The following WDR1 variants were observed in gnomAD, a reference collection of about 807,000 sequenced individuals.
WDR1 encodes WD repeat-containing protein 1.
Under a neutral mutation model 71.9 loss-of-function variants are expected in WDR1, and 21 were observed. The observed-to-expected ratio is 0.29, with a 90% confidence interval of 0.21 to 0.42. WDR1 has a LOEUF of 0.42. Among genes scored for constraint, WDR1 ranks in the 10% least tolerant of loss-of-function variants. The probability of loss-of-function intolerance (pLI) is 1.00; values close to 1 mark genes in which losing one functional copy is unlikely to be tolerated. For synonymous variants in WDR1, 424 were observed against 347.4 expected, an observed-to-expected ratio of 1.22 and a Z score of -2.45; for missense variants, 696 against 824.5, an observed-to-expected ratio of 0.84 and a Z score of 1.91.
intron 9 of WDR1, among the ~76,000 whole-genome samples, chr4:10,083,439 G>C (rs35158081): frequency 1.3e-5 from 2 of 152,194 alleles, no homozygotes; most frequent in Non-Finnish European, 2.9e-5. Flanking sequence ...CCAGCAAGCT[G>C]GGGAGGCTCC....
chr4:10,094,933 A>T (rs1297614707), intron 5 of WDR1: 1 of 152,284 alleles, frequency 6.6e-6, no homozygotes, highest in Non-Finnish European at 1.5e-5. Flanking sequence ...TCAAGGCAGC[A>T]GCTCCAACAC....
Position 10,116,133 on chromosome 4 carries a change from C to T in WDR1, c.118G>A (p.Val40Ile). 6.2e-7 allele frequency: 1 copy of T among 1,613,676 alleles called. No individual in the cohort carries two copies. Among genetic ancestry groups the T allele is most frequent in the East Asian group, 2.2e-5 (1 of 44,836 alleles). ...NNFLYTNGKC[V>I]ILRNIDNPAL... Reference sequence around the variant, plus strand: ...CTCACGTCGATGTTCCTTAGGATGACGCACTTTCCATTGGTGTACAGAAAA... The same window carrying T: ...CTCACGTCGATGTTCCTTAGGATGATGCACTTTCCATTGGTGTACAGAAAA... Residue 40 changes from valine (V) to isoleucine (I), a missense_variant, in exon 2 of 15, where the codon GTC (valine) becomes ATC (isoleucine). By Grantham distance (29) the Val-to-Ile change is conservative (BLOSUM62 3). Transcript: ENST00000499869.
rs775433101 is a variant in WDR1 at position 10,081,372 on chromosome 4, G to T, written c.1269C>A (p.Val423=). The T allele has an allele frequency of 1.4e-5, 22 of 1,613,868 alleles. No homozygotes were observed. The highest frequency in any genetic ancestry group is 1.7e-5 in the Non-Finnish European group (20 of 1,179,884). Residue 423 remains valine, a synonymous_variant, in exon 11 of 15, where the codon GTC becomes GTA. Coordinates refer to ENST00000499869, the MANE Select transcript of WDR1 (RefSeq NM_017491.5). ...VAVGPGGYAV[V]VCIGQIVLLK... ...AGGTCCCTACCTGTCCAATGCACAC[G>T]ACCACGGCGTATCCCCCGGGGCCGA...
At chr4:10,108,480 C>T (rs1713155547) in intron 2 of WDR1, 1 of 152,226 alleles carries the variant, frequency 6.6e-6, no homozygotes, top group African/African-American at 2.4e-5. Context: ...TGCCAACTGT[C>T]CCCGGGAACC....
chr4:10,079,158 C>T lies in WDR1; in HGVS notation c.1285-157G>A, dbSNP rs139118727. ...CCACCTGGGGCTCTGAGCCACACCA[C>T]CTGGACTCATGTCCCGTTTGACAGT... On this transcript the variant is annotated intron_variant, in intron 11 of 14. Coordinates refer to ENST00000499869, the MANE Select transcript of WDR1 (RefSeq NM_017491.5). Among the ~76,000 whole-genome samples the T allele has an allele frequency of 2.5e-3, 381 of 152,320 alleles. 4 individuals carry two copies. Among genetic ancestry groups the T allele is most frequent in the African/African-American group, 8.9e-3 (372 of 41,578 alleles).
chr4:10,090,179 T>G (rs1711879002), intron 5 of WDR1, among the ~76,000 whole-genome samples: 1 of 152,126 alleles, frequency 6.6e-6, no homozygotes, highest in South Asian at 2.1e-4. Flanking sequence ...AGAATAAATT[T>G]CCATTGTTTA....
rs777456482 is a variant in WDR1 at position 10,081,488 on chromosome 4, C to T, written c.1197-44G>A. 9 of 1,584,258 alleles carry T rather than the reference C, an allele frequency of 5.7e-6. No individual in the cohort carries two copies. The African/African-American group carries it at 1.2e-4, about 21-fold the overall frequency. On this transcript the variant is annotated intron_variant, in intron 10 of 14. Transcript: ENST00000499869. ...GCACATTACTTCGACAATGCAGCAG[C>T]TCAGGGTAGGTATGCATACATATTT... is the stretch of plus-strand genomic sequence containing the variant.
At chr4:10,079,961 T>G (rs1304682607) in intron 11 of WDR1, among the ~76,000 whole-genome samples, 1 of 150,454 alleles carries the variant, frequency 6.6e-6, no homozygotes, top group Non-Finnish European at 1.5e-5. Context: ...CCCAGGCCCC[T>G]CCTAGCACCC....
chr4:10,100,457 G>A (rs1318667165), intron 3 of WDR1, among the ~76,000 whole-genome samples: 2 of 152,224 alleles, frequency 1.3e-5, no homozygotes, highest in African/African-American at 2.4e-5. Flanking sequence ...ACGAGTCCAC[G>A]AATTAACGGA....
intron 3 of WDR1, among the ~76,000 whole-genome samples, chr4:10,102,001 C>T (rs1297378877): frequency 2.0e-5 from 3 of 152,222 alleles, no homozygotes; most frequent in Admixed American, 6.5e-5. Context: ...AAGATCTAAA[C>T]ACAAAAACCA....
chr4:10,084,563 A>G, intron 8 of WDR1, 33 bp from the exon 9 acceptor site: 2 of 1,601,476 alleles, frequency 1.2e-6, no homozygotes. Context: ...GGGTAAGCTG[A>G]TGACACACTG....
chr4:10,108,385 G>A (rs940123030), intron 2 of WDR1: 1 of 152,234 alleles, frequency 6.6e-6, no homozygotes, highest in Non-Finnish European at 1.5e-5. Flanking sequence ...ATGCTAGAAG[G>A]TTGGAGATAC....
chr4:10,111,367 AGC>A (rs1713351064), intron 2 of WDR1, among the ~76,000 whole-genome samples: 1 of 152,164 alleles, frequency 6.6e-6, no homozygotes, highest in Non-Finnish European at 1.5e-5. Flanking sequence ...TGGCACCTGC[AGC>A]CACTCAGATT....
intron 2 of WDR1, among the ~76,000 whole-genome samples, chr4:10,109,348 C>T (rs1375061076): frequency 1.3e-5 from 2 of 152,240 alleles, no homozygotes; most frequent in East Asian, 1.9e-4. Context: ...TCCCAGGTCA[C>T]GTCACTGCAA....
chr4:10,085,700 C>T (rs1465521477), intron 8 of WDR1, among the ~76,000 whole-genome samples: 3 of 152,254 alleles, frequency 2.0e-5, no homozygotes, highest in African/African-American at 4.8e-5. Context: ...GCTCCTGCTG[C>T]CCTGAGACTT....
At chr4:10,100,867 TACATATCCACACATGCAC>T (rs1390958673) in intron 3 of WDR1, among the ~76,000 whole-genome samples, 4 of 152,196 alleles carry the variant, frequency 2.6e-5, no homozygotes, top group Non-Finnish European at 5.9e-5. Context: ...CTCAGGAGCA[TACATATCCACACATGCAC>T]ACATGTCCAC....
chr4:10,110,291 C>G (rs1428533974), intron 2 of WDR1, among the ~76,000 whole-genome samples: 1 of 152,218 alleles, frequency 6.6e-6, no homozygotes, highest in African/African-American at 2.4e-5. Flanking sequence ...CCACAGCTGT[C>G]CCTAACAAGG....
chr4:10,103,981 T>C lies in WDR1; in HGVS notation c.144A>G (p.Pro48=). ...KCVILRNIDN[P]ALADIYTEHA... The stretch of plus-strand genomic sequence containing the variant: ...GCTCTGTGTAGATGTCAGCAAGGGC[T>C]GGGTTCTGCAGGAGGAGACCCCGGA... The change falls in exon 3 of 15, where the codon CCA becomes CCG. Residue 48 remains proline, a synonymous_variant. Transcript: ENST00000499869. 1 of 1,596,994 alleles carries C rather than the reference T, an allele frequency of 6.3e-7. No individual in the cohort carries two copies.
At chr4:10,115,114 A>G (rs1437843418) in intron 2 of WDR1, among the ~76,000 whole-genome samples, 1 of 152,250 alleles carries the variant, frequency 6.6e-6, no homozygotes, top group Non-Finnish European at 1.5e-5. Context: ...TATGGCATCA[A>G]TCAAAACATA....
Sources: gnomAD v4.1 joint callset for allele counts (sites outside exome capture counted in the v4.1 genomes callset) on GRCh38, gnomAD v4.1.1 for gene constraint, MANE v1.5 for transcripts, NCBI Gene and HGNC (gene_info 2026-07-23, HGNC 2026-07-21) for gene names.